The following GALNT17 variants were observed in gnomAD, a reference collection of about 807,000 sequenced individuals.
The protein encoded by GALNT17 is UDP-GalNAc:polypeptide N-acetylgalactosaminyltransferase-like 3.
In GALNT17, 29 loss-of-function variants were observed where a neutral mutation model predicts 63.7. The ratio of observed to expected loss-of-function variants is 0.46; its 90% CI spans 0.34 to 0.62. The LOEUF is 0.62. Ranked by LOEUF, GALNT17 falls within the 20% of genes least tolerant of loss-of-function variation. The pLI is 0.01. For synonymous variants in GALNT17, 305 were observed against 318.3 expected (o/e 0.96, Z 0.45); for missense variants, 603 against 799.6 (o/e 0.75, Z 2.97).
At chr7:71,495,403 T>C (rs1238679431) in intron 5 of GALNT17, among the ~76,000 whole-genome samples, 1 of 152,214 alleles carries the variant, frequency 6.6e-6, no homozygotes, top group Non-Finnish European at 1.5e-5. Context: ...GTTTTCTTTT[T>C]TGAGCACTTA....
Position 71,158,758 on chromosome 7 carries a change from G to A in GALNT17, c.238+25718G>A, listed in dbSNP as rs544938423. Among the ~76,000 whole-genome samples the A allele has an allele frequency of 1.4e-3, 206 of 151,724 alleles. 7 individuals are homozygous for A. The highest frequency in any genetic ancestry group is 4.8e-3 in the African/African-American group (196 of 41,116). ...CACCTGGCTAATTTTTGTATTTTTA[G>A]TAGAGATGGGGTTTCACCGTGTTAG... On this transcript the variant is annotated intron_variant, in intron 1 of 10. Transcript: ENST00000333538.
chr7:71,138,456 G>A (rs183289603), intron 1 of GALNT17, among the ~76,000 whole-genome samples: 1 of 152,270 alleles, frequency 6.6e-6, no homozygotes, highest in African/African-American at 2.4e-5. Context: ...TGGTCTTGCT[G>A]TCTCAGGGGT....
At chr7:71,619,842 G>T (rs1043164401) in intron 6 of GALNT17, among the ~76,000 whole-genome samples, 1 of 152,166 alleles carries the variant, frequency 6.6e-6, no homozygotes. Flanking sequence ...TAGGAGTGGA[G>T]AGAGTGGGTA....
chr7:71,249,219 G>C (rs1457504755), intron 1 of GALNT17, among the ~76,000 whole-genome samples: 2 of 152,052 alleles, frequency 1.3e-5, no homozygotes, highest in African/African-American at 4.8e-5. Context: ...TTCTTACGTG[G>C]GTTAAATATA....
chr7:71,412,493 C>T (rs145520038), intron 3 of GALNT17, among the ~76,000 whole-genome samples: 2 of 152,188 alleles, frequency 1.3e-5, no homozygotes, highest in Non-Finnish European at 2.9e-5. Context: ...TGCCTCAGCC[C>T]CGCTGAGAGG....
chr7:71,694,978 C>T (rs62458996), intron 9 of GALNT17, among the ~76,000 whole-genome samples: 2,244 of 152,320 alleles, frequency 0.015, 29 homozygotes, highest in Admixed American at 0.039. Flanking sequence ...CTTCCCATTT[C>T]ACATATAGAG....
intron 5 of GALNT17, among the ~76,000 whole-genome samples, chr7:71,521,851 A>G (rs565765463): frequency 6.6e-6 from 1 of 152,320 alleles, no homozygotes; most frequent in East Asian, 1.9e-4. Context: ...TTAAAAGTGT[A>G]ACTGGTGAGT....
At chr7:71,362,850 C>A (rs1340356925) in intron 2 of GALNT17, among the ~76,000 whole-genome samples, 1 of 152,186 alleles carries the variant, frequency 6.6e-6, no homozygotes, top group Non-Finnish European at 1.5e-5. Flanking sequence ...AAAGACCGTA[C>A]ACGGGTTGTT....
At chr7:71,314,075 G>C (rs1474120651) in intron 1 of GALNT17, among the ~76,000 whole-genome samples, 1 of 152,150 alleles carries the variant, frequency 6.6e-6, no homozygotes, top group African/African-American at 2.4e-5. Context: ...AAGGGATGGA[G>C]GCGAATGTTA....
intron 5 of GALNT17, among the ~76,000 whole-genome samples, chr7:71,485,859 T>C (rs1363039442): frequency 6.6e-6 from 1 of 152,202 alleles, no homozygotes; most frequent in Admixed American, 6.5e-5. Flanking sequence ...TTGTGTAAGC[T>C]ATATAGTCAG....
intron 1 of GALNT17, among the ~76,000 whole-genome samples, chr7:71,189,561 A>G (rs117095760): frequency 0.02 from 3,012 of 152,106 alleles, 36 homozygotes; most frequent in Middle Eastern, 0.041. Flanking sequence ...GGCAGGAATG[A>G]TCTTGGCTGG....
Position 71,592,544 on chromosome 7 carries a change from A to AATAAAATAAAATAAAATAGC in GALNT17, c.1080+21145_1080+21146insAAATAAAATAAAATAGCATA, listed in dbSNP as rs11267770. 2.0e-3 allele frequency among the ~76,000 whole-genome samples: 233 copies of AATAAAATAAAATAAAATAGC among 115,356 alleles called. 2 individuals are homozygous for AATAAAATAAAATAAAATAGC. The highest frequency in any genetic ancestry group is 4.6e-3 in the African/African-American group (143 of 31,114). The allele number at this position is 115,356 out of a possible 152,430, so 75.7% of individuals were successfully genotyped here. On this transcript the variant is annotated intron_variant, in intron 6 of 10. Coordinates refer to ENST00000333538, the MANE Select transcript of GALNT17 (RefSeq NM_022479.3). The stretch of plus-strand genomic sequence containing the variant: ...AATAAAATAAAATAAAATAAAATAA[A>AATAAAATAAAATAAAATAGC]ATAGCATAGCATAGCATACTAAAAT...
At chr7:71,691,059 G>T (rs1047929515) in intron 9 of GALNT17, among the ~76,000 whole-genome samples, 3 of 152,162 alleles carry the variant, frequency 2.0e-5, no homozygotes, top group African/African-American at 4.8e-5. Flanking sequence ...TGGGTAAAAT[G>T]CTACTAACCA....
At chr7:71,483,869 A>T (rs1431776412) in intron 5 of GALNT17, among the ~76,000 whole-genome samples, 1 of 151,414 alleles carries the variant, frequency 6.6e-6, no homozygotes, top group African/African-American at 2.4e-5. Flanking sequence ...TTTCCAACTA[A>T]TTTTTTTTTC....
At chr7:71,656,915 C>T (rs1790836974) in intron 6 of GALNT17, among the ~76,000 whole-genome samples, 2 of 152,206 alleles carry the variant, frequency 1.3e-5, no homozygotes, top group Admixed American at 1.3e-4. Flanking sequence ...CAAGCTCTTT[C>T]AAGAGAGAGC....
At chr7:71,338,448 G>C (rs994158620) in intron 2 of GALNT17, among the ~76,000 whole-genome samples, 1 of 152,094 alleles carries the variant, frequency 6.6e-6, no homozygotes, top group Non-Finnish European at 1.5e-5. Flanking sequence ...ACCTGAGTCT[G>C]GGAGGTCAAG....
At chr7:71,645,226 G>A (rs1790658229) in intron 6 of GALNT17, among the ~76,000 whole-genome samples, 1 of 152,198 alleles carries the variant, frequency 6.6e-6, no homozygotes, top group South Asian at 2.1e-4. Flanking sequence ...AAGTGGATTA[G>A]GTCTGTCCAC....
rs1057020110 is a variant in GALNT17, at chr7:71,560,211, A to G, written c.963-11074A>G. Among the ~76,000 whole-genome samples, 9 of 139,376 alleles carry G rather than the reference A, an allele frequency of 6.5e-5. No individual in the cohort carries two copies. The South Asian group carries it at 1.1e-3, about 17-fold the overall frequency. The allele number at this position is 139,376 out of a possible 152,430, so 91.4% of individuals were successfully genotyped here. On this transcript the variant is annotated intron_variant, in intron 5 of 10. Transcript: ENST00000333538. ...TCCATCTCAAAAAAAAAAAAAAAAA[A>G]AAAAAGAAAGAATCACAAATTGTCC... is the stretch of plus-strand genomic sequence containing the variant.
At chr7:71,335,981 T>A (rs1284753850) in intron 2 of GALNT17, among the ~76,000 whole-genome samples, 1 of 148,630 alleles carries the variant, frequency 6.7e-6, no homozygotes, top group East Asian at 1.9e-4. Flanking sequence ...CTTTGTATTT[T>A]AATTCTTCTT....
Sources: gnomAD v4.1 joint callset for allele counts (sites outside exome capture counted in the v4.1 genomes callset) on GRCh38, gnomAD v4.1.1 for gene constraint, MANE v1.5 for transcripts, NCBI Gene and HGNC (gene_info 2026-07-23, HGNC 2026-07-21) for gene names.